Variants in CTNNA2 observed in about 807,000 individuals in gnomAD.
CTNNA2 encodes catenin alpha 2, also known as catenin alpha-2.
CTNNA2 carries 42 observed loss-of-function variants against 101.0 expected under a neutral mutation model. That is an observed-to-expected ratio of 0.42 (90% CI 0.32 to 0.54). CTNNA2 has a LOEUF of 0.54. Among genes scored for constraint, CTNNA2 ranks in the 20% least tolerant of loss-of-function variants. The pLI is 0.14. For synonymous variants in CTNNA2, 450 were observed against 456.4 expected (o/e 0.99, Z 0.18); for missense variants, 871 against 1,223.1 (o/e 0.71, Z 4.29).
chr2:79,391,459 T>TA (rs1558655932), intron 4 of CTNNA2, among the ~76,000 whole-genome samples: 1 of 152,182 alleles, frequency 6.6e-6, no homozygotes, highest in South Asian at 2.1e-4. Flanking sequence ...ACAGTATATA[T>TA]AAAAAAGATG....
chr2:80,364,329 G>T (rs1197064113), intron 7 of CTNNA2, among the ~76,000 whole-genome samples: 1 of 151,804 alleles, frequency 6.6e-6, no homozygotes, highest in African/African-American at 2.4e-5. Flanking sequence ...CAATAGAAAG[G>T]GTCAATTTTA....
chr2:79,323,966 G>C (rs761370046), intron 3 of CTNNA2, among the ~76,000 whole-genome samples: 7 of 152,188 alleles, frequency 4.6e-5, no homozygotes, highest in Non-Finnish European at 8.8e-5. Context: ...ATACAGAGAA[G>C]AGGAAAGTAA....
intron 9 of CTNNA2, among the ~76,000 whole-genome samples, chr2:80,538,514 T>G (rs1464812059): frequency 1.3e-5 from 2 of 152,170 alleles, no homozygotes; most frequent in Non-Finnish European, 2.9e-5. Context: ...TTGTCAGGTT[T>G]GTCAAAGATC....
At chr2:80,018,704 C>A (rs1259479310) in intron 7 of CTNNA2, among the ~76,000 whole-genome samples, 1 of 151,522 alleles carries the variant, frequency 6.6e-6, no homozygotes, top group Non-Finnish European at 1.5e-5. Flanking sequence ...TCGTTTGAAC[C>A]CGGGAGACAG....
intron 7 of CTNNA2, among the ~76,000 whole-genome samples, chr2:80,249,880 T>G (rs1331415308): frequency 6.6e-6 from 1 of 152,240 alleles, no homozygotes; most frequent in Non-Finnish European, 1.5e-5. Context: ...ATGTTACTTC[T>G]GATATCTTGC....
At chr2:80,205,514 T>C (rs1573386346) in intron 7 of CTNNA2, among the ~76,000 whole-genome samples, 1 of 152,212 alleles carries the variant, frequency 6.6e-6, no homozygotes, top group East Asian at 1.9e-4. Context: ...AGAAGATGGA[T>C]AATTTATGGT....
rs1183935632 is a variant in CTNNA2, at chr2:79,477,558, G to GA, written c.-134-27489dup. On this transcript the variant is annotated intron_variant, in intron 4 of 21. Coordinates refer to the CTNNA2 transcript ENST00000466387. The stretch of plus-strand genomic sequence containing the variant: ...TGTGTGTGGATGTGTGAATAAAGGA[G>GA]AAAAAAATGTGTTTTTAAAACATGT... Among the ~76,000 whole-genome samples the GA allele has an allele frequency of 4.6e-5, 7 of 152,052 alleles. No homozygotes were observed. In the East Asian group the frequency reaches 5.8e-4, roughly 13 times the overall value.
At chr2:80,307,561 T>C (rs1471566638) in intron 7 of CTNNA2, among the ~76,000 whole-genome samples, 1 of 152,226 alleles carries the variant, frequency 6.6e-6, no homozygotes, top group Admixed American at 6.5e-5. Flanking sequence ...TTTGAAAATA[T>C]CTGATTCACC....
intron 17 of CTNNA2, among the ~76,000 whole-genome samples, chr2:80,608,857 C>A (rs942057441): frequency 6.6e-6 from 1 of 151,824 alleles, no homozygotes; most frequent in African/African-American, 2.4e-5. Context: ...ACATAATTGT[C>A]GAACACTAAC....
chr2:79,757,908 G>A (rs772351453), intron 3 of CTNNA2, among the ~76,000 whole-genome samples: 36 of 152,172 alleles, frequency 2.4e-4, no homozygotes, highest in African/African-American at 8.7e-4. Flanking sequence ...AACAGACCTA[G>A]CACACCTCAG....
At chr2:80,501,080 T>C (rs72823716) in intron 9 of CTNNA2, among the ~76,000 whole-genome samples, 211 of 152,370 alleles carry the variant, frequency 1.4e-3, no homozygotes, top group Non-Finnish European at 2.6e-3. Flanking sequence ...ATCTCTCTAT[T>C]TCACTTTAGT....
chr2:79,719,517 G>A (rs1558869402), intron 2 of CTNNA2, among the ~76,000 whole-genome samples: 1 of 152,130 alleles, frequency 6.6e-6, no homozygotes, highest in East Asian at 1.9e-4. Flanking sequence ...CCCACCAACA[G>A]TGCATAAGCA....
intron 7 of CTNNA2, among the ~76,000 whole-genome samples, chr2:80,062,235 A>G (rs1291150297): frequency 2.0e-5 from 3 of 152,344 alleles, no homozygotes; most frequent in African/African-American, 7.2e-5. Context: ...AATATTTTCA[A>G]ATTTCTCCAA....
At chr2:79,381,691 G>C (rs1393422810) in intron 4 of CTNNA2, among the ~76,000 whole-genome samples, 3 of 152,134 alleles carry the variant, frequency 2.0e-5, no homozygotes, top group African/African-American at 4.8e-5. Flanking sequence ...TCTTTGTTCA[G>C]AGGCTCCAGC....
At chr2:80,280,116 T>C (rs2149158493) in intron 7 of CTNNA2, among the ~76,000 whole-genome samples, 1 of 151,684 alleles carries the variant, frequency 6.6e-6, no homozygotes, top group Non-Finnish European at 1.5e-5. Context: ...TTTACCCCTT[T>C]GCTGAGCTGA....
intron 9 of CTNNA2, among the ~76,000 whole-genome samples, chr2:80,496,690 C>A (rs1355796535): frequency 1.3e-5 from 2 of 152,086 alleles, no homozygotes; most frequent in Non-Finnish European, 2.9e-5. Flanking sequence ...ATTCTTCTTG[C>A]ATGATGATTC....
At chr2:80,515,971 T>A (rs1001489227) in intron 9 of CTNNA2, among the ~76,000 whole-genome samples, 3 of 152,236 alleles carry the variant, frequency 2.0e-5, no homozygotes, top group African/African-American at 7.2e-5. Flanking sequence ...TTTTTCCTTA[T>A]CCACCTCTCT....
chr2:80,131,611 G>A (rs953004318), intron 7 of CTNNA2, among the ~76,000 whole-genome samples: 1 of 152,096 alleles, frequency 6.6e-6, no homozygotes, highest in African/African-American at 2.4e-5. Flanking sequence ...TGACAAATCA[G>A]GTAGGGGGTA....
chr2:79,728,501 A>G lies in CTNNA2; in HGVS notation c.103-15886A>G, dbSNP rs142406666. ...CCCTTTGTCAGATGAGTAGATTGCG[A>G]AAATTGTCTCCCATTTTGTAGGTTG... On this transcript the variant is annotated intron_variant, in intron 2 of 18. Coordinates refer to ENST00000402739, the MANE Select transcript of CTNNA2 (RefSeq NM_001282597.3). Among the ~76,000 whole-genome samples, 1,366 of 152,292 alleles carry G rather than the reference A, an allele frequency of 9.0e-3. 25 individuals are homozygous for G. Among genetic ancestry groups the G allele is most frequent in the African/African-American group, 0.031 (1,281 of 41,576 alleles).
Sources: gnomAD v4.1 joint callset for allele counts (sites outside exome capture counted in the v4.1 genomes callset) on GRCh38, gnomAD v4.1.1 for gene constraint, MANE v1.5 for transcripts, NCBI Gene and HGNC (gene_info 2026-07-23, HGNC 2026-07-21) for gene names.